The following KCND2 variants were observed in gnomAD, a reference collection of about 807,000 sequenced individuals.
KCND2 encodes potassium voltage-gated channel subfamily D member 2, also known as A-type voltage-gated potassium channel KCND2.
A neutral mutation model predicts 54.4 loss-of-function variants in KCND2; 16 were observed. The ratio of observed to expected loss-of-function variants is 0.29; its 90% CI spans 0.20 to 0.45. The LOEUF is 0.45. Ranked by LOEUF, KCND2 falls within the 20% of genes least tolerant of loss-of-function variation. The pLI is 1.00. For missense variants in KCND2, 486 were observed against 824.2 expected, an observed-to-expected ratio of 0.59 and a Z score of 5.02; for synonymous variants, 317 against 310.7, an observed-to-expected ratio of 1.02 and a Z score of -0.21.
chr7:120,498,321 A>G (rs1472650234), intron 1 of KCND2, among the ~76,000 whole-genome samples: 4 of 152,172 alleles, frequency 2.6e-5, no homozygotes, highest in African/African-American at 9.7e-5. Context: ...GTCTACTAAA[A>G]ATATGAAAAT....
At chr7:120,459,194 C>G (rs1031421195) in intron 1 of KCND2, among the ~76,000 whole-genome samples, 5 of 152,110 alleles carry the variant, frequency 3.3e-5, no homozygotes, top group Admixed American at 2.6e-4. Flanking sequence ...CCACTTCCCC[C>G]TCATTCCCTG....
intron 1 of KCND2, among the ~76,000 whole-genome samples, chr7:120,660,535 A>C (rs554959405): frequency 6.6e-6 from 1 of 152,326 alleles, no homozygotes; most frequent in East Asian, 1.9e-4. Context: ...TGCTATAAAA[A>C]CATAAACCAT....
chr7:120,714,443 T>A (rs1792578077), intron 1 of KCND2, among the ~76,000 whole-genome samples: 1 of 152,138 alleles, frequency 6.6e-6, no homozygotes. Flanking sequence ...TGAATGAGCA[T>A]TGCAGAATGA....
At chr7:120,277,339 G>A (rs1425581591) in intron 1 of KCND2, among the ~76,000 whole-genome samples, 22 of 152,016 alleles carry the variant, frequency 1.4e-4, no homozygotes. Flanking sequence ...TGTAGGTGCT[G>A]ATTCTTTATC....
At chr7:120,595,563 A>ATGTG (rs570632416) in intron 1 of KCND2, among the ~76,000 whole-genome samples, 4 of 127,634 alleles carry the variant, frequency 3.1e-5, no homozygotes, top group East Asian at 2.1e-4. Flanking sequence ...GTGTATATAT[A>ATGTG]TGTGTGTGTA....
chr7:120,463,770 A>T (rs1318812042), intron 1 of KCND2, among the ~76,000 whole-genome samples: 1 of 152,138 alleles, frequency 6.6e-6, no homozygotes, highest in Admixed American at 6.6e-5. Context: ...ATTCCTAGAA[A>T]AGGCTGCAGG....
At chr7:120,630,387 T>C (rs146258854) in intron 1 of KCND2, among the ~76,000 whole-genome samples, 1,594 of 152,228 alleles carry the variant, frequency 0.01, 9 homozygotes, top group Non-Finnish European at 0.015. Flanking sequence ...AAAAGCCTCC[T>C]TTTTTCCCCC....
intron 2 of KCND2, among the ~76,000 whole-genome samples, chr7:120,737,532 A>C (rs1792890635): frequency 6.6e-6 from 1 of 151,964 alleles, no homozygotes; most frequent in Non-Finnish European, 1.5e-5. Context: ...CTCCAGGATT[A>C]ACCAAGTTCT....
At chr7:120,475,911 A>G (rs1035644299) in intron 1 of KCND2, among the ~76,000 whole-genome samples, 1 of 152,208 alleles carries the variant, frequency 6.6e-6, no homozygotes, top group African/African-American at 2.4e-5. Flanking sequence ...CAAATCACAT[A>G]CTGACAATTG....
intron 1 of KCND2, among the ~76,000 whole-genome samples, chr7:120,511,024 T>TCTCACA (rs36008574): frequency 0.015 from 2,224 of 145,010 alleles, 50 homozygotes; most frequent in African/African-American, 0.053. Context: ...TCTCTCTCTC[T>TCTCACA]CACACACACA....
At chr7:120,523,704 C>CTGTGTGTGTGTG (rs199762798) in intron 1 of KCND2, among the ~76,000 whole-genome samples, 1 of 137,216 alleles carries the variant, frequency 7.3e-6, no homozygotes, top group South Asian at 2.4e-4. Context: ...CACACACACT[C>CTGTGTGTGTGTG]TGTGTGTGTG....
At chr7:120,473,936 A>G (rs1342821047) in intron 1 of KCND2, among the ~76,000 whole-genome samples, 2 of 152,158 alleles carry the variant, frequency 1.3e-5, no homozygotes, top group Non-Finnish European at 2.9e-5. Context: ...TTAGGACTTC[A>G]GGGTAGTGTT....
At chr7:120,569,833 A>T (rs1469513105) in intron 1 of KCND2, among the ~76,000 whole-genome samples, 1 of 152,172 alleles carries the variant, frequency 6.6e-6, no homozygotes, top group African/African-American at 2.4e-5. Flanking sequence ...GTTAAGGTTG[A>T]TTTGTAATTG....
intron 1 of KCND2, among the ~76,000 whole-genome samples, chr7:120,681,241 T>C (rs1295616915): frequency 6.6e-6 from 1 of 152,032 alleles, no homozygotes. Flanking sequence ...TGCTACTAAA[T>C]AACAGATGTT....
chr7:120,638,491 C>G (rs2189975), intron 1 of KCND2, among the ~76,000 whole-genome samples: 19,118 of 152,116 alleles, frequency 0.13, 1,687 homozygotes, highest in East Asian at 0.46. Flanking sequence ...TTTGGATGCT[C>G]TACCTAATAA....
At chr7:120,277,499 A>G (rs1040513510) in intron 1 of KCND2, among the ~76,000 whole-genome samples, 3 of 152,096 alleles carry the variant, frequency 2.0e-5, no homozygotes, top group Non-Finnish European at 2.9e-5. Flanking sequence ...GAACTATTAA[A>G]ATGAAATACA....
chr7:120,455,473 C>A (rs1234250195), intron 1 of KCND2, among the ~76,000 whole-genome samples: 3 of 152,086 alleles, frequency 2.0e-5, no homozygotes, highest in African/African-American at 7.2e-5. Flanking sequence ...CCAACAATCC[C>A]ATTATTGGGT....
Position 120,745,766 on chromosome 7 carries a change from C to G in KCND2, c.1468-14C>G. 1 of 1,613,320 alleles carries G rather than the reference C, an allele frequency of 6.2e-7. No individual in the cohort carries two copies. The highest frequency in any genetic ancestry group is 8.5e-7 in the Non-Finnish European group (1 of 1,179,482). Reference sequence around the variant, plus strand: ...GCTTCTCTGTTTCTTCATTTACTTACAACTGTGGAACAGAATCACGAGTTT... The same window carrying G: ...GCTTCTCTGTTTCTTCATTTACTTAGAACTGTGGAACAGAATCACGAGTTT... On this transcript the variant is annotated splice_polypyrimidine_tract_variant and intron_variant, in intron 4 of 5. Coordinates refer to ENST00000331113, the MANE Select transcript of KCND2 (RefSeq NM_012281.3).
chr7:120,715,278 TTG>T (rs1389777579), intron 1 of KCND2, among the ~76,000 whole-genome samples: 1 of 152,090 alleles, frequency 6.6e-6, no homozygotes, highest in Non-Finnish European at 1.5e-5. Context: ...AATATGATAG[TTG>T]TGTAACCATG....
Sources: gnomAD v4.1 joint callset for allele counts (sites outside exome capture counted in the v4.1 genomes callset) on GRCh38, gnomAD v4.1.1 for gene constraint, MANE v1.5 for transcripts, NCBI Gene and HGNC (gene_info 2026-07-23, HGNC 2026-07-21) for gene names.